Variants in LRRC4C observed in about 807,000 individuals in gnomAD.
The protein encoded by LRRC4C is leucine rich repeat containing 4C, also known as leucine-rich repeat-containing protein 4C.
In LRRC4C, 5 loss-of-function variants were observed where a neutral mutation model predicts 33.6. The ratio of observed to expected loss-of-function variants is 0.15; its 90% confidence interval spans 0.08 to 0.31. LRRC4C has a LOEUF of 0.31. LRRC4C is among the 10% of genes least tolerant of loss of function. LRRC4C has a pLI of 1.00. For synonymous variants in LRRC4C, 329 were observed against 302.0 expected (o/e 1.09, Z -0.93); for missense variants, 560 against 796.7 (o/e 0.70, Z 3.58).
At chr11:41,395,122 G>A (rs564468705) in intron 1 of LRRC4C, among the ~76,000 whole-genome samples, 4,343 of 151,988 alleles carry the variant, frequency 0.029, 236 homozygotes, top group African/African-American at 0.099. Context: ...GATGAAGCAG[G>A]GTACAGACAC....
At chr11:40,349,298 A>G (rs1169220299) in intron 3 of LRRC4C, among the ~76,000 whole-genome samples, 1 of 152,116 alleles carries the variant, frequency 6.6e-6, no homozygotes, top group Non-Finnish European at 1.5e-5. Flanking sequence ...AGCAGCCACA[A>G]ATGGGTGAGA....
chr11:41,314,812 T>C (rs1369163836), intron 1 of LRRC4C, among the ~76,000 whole-genome samples: 1 of 151,838 alleles, frequency 6.6e-6, no homozygotes. Flanking sequence ...AAAAAAAAAC[T>C]ATAAGTAAAG....
rs566730087 is a variant in LRRC4C at position 40,397,233 on chromosome 11, T to A, written c.-269-77512A>T. On this transcript the variant is annotated intron_variant, in intron 3 of 6. Coordinates refer to ENST00000528697, the MANE Select transcript of LRRC4C (RefSeq NM_001258419.2). ...TTAAAATATTTCGTCTTCTAATCTG[T>A]GTGACAAAGAGTGTTCCTAATGTTT... 7.2e-5 allele frequency among the ~76,000 whole-genome samples: 11 copies of A among 152,214 alleles called. No homozygotes were observed. In the South Asian group the frequency reaches 2.3e-3, roughly 32 times the overall value.
At chr11:41,263,332 G>A (rs903106866) in intron 1 of LRRC4C, among the ~76,000 whole-genome samples, 4 of 152,062 alleles carry the variant, frequency 2.6e-5, no homozygotes, top group Non-Finnish European at 5.9e-5. Flanking sequence ...GAACAAGTGA[G>A]TATTCTACTA....
intron 5 of LRRC4C, among the ~76,000 whole-genome samples, chr11:40,158,853 A>G (rs776270226): frequency 6.6e-6 from 1 of 152,188 alleles, no homozygotes; most frequent in Non-Finnish European, 1.5e-5. Flanking sequence ...AACTCATATC[A>G]AATCAATTGT....
intron 3 of LRRC4C, among the ~76,000 whole-genome samples, chr11:40,476,127 G>T (rs1369868380): frequency 6.6e-6 from 1 of 152,074 alleles, no homozygotes; most frequent in Non-Finnish European, 1.5e-5. Context: ...TATCATCCTA[G>T]GCCTGTCTGA....
chr11:40,524,514 ATGTT>A (rs1331035504), intron 3 of LRRC4C, among the ~76,000 whole-genome samples: 2 of 152,192 alleles, frequency 1.3e-5, no homozygotes, highest in Non-Finnish European at 2.9e-5. Context: ...TATATAAAAA[ATGTT>A]TGGAAAATTA....
At chr11:40,254,038 T>G (rs1867003575) in intron 4 of LRRC4C, among the ~76,000 whole-genome samples, 2 of 152,160 alleles carry the variant, frequency 1.3e-5, no homozygotes, top group Non-Finnish European at 2.9e-5. Flanking sequence ...TTAAAGTAGA[T>G]AGTGAAAACA....
At chr11:41,335,574 T>C (rs914163790) in intron 1 of LRRC4C, among the ~76,000 whole-genome samples, 1 of 152,204 alleles carries the variant, frequency 6.6e-6, no homozygotes, top group Admixed American at 6.5e-5. Flanking sequence ...GGGCAGAAAT[T>C]CTATATTTAC....
chr11:40,793,741 C>A (rs961023685), intron 2 of LRRC4C, among the ~76,000 whole-genome samples: 30 of 151,930 alleles, frequency 2.0e-4, no homozygotes, highest in African/African-American at 7.3e-4. Context: ...AGGTATATAC[C>A]AAGATATTAT....
intron 1 of LRRC4C, among the ~76,000 whole-genome samples, chr11:41,425,023 A>C (rs576677911): frequency 6.6e-6 from 1 of 152,094 alleles, no homozygotes; most frequent in African/African-American, 2.4e-5. Context: ...AAGATTTTTT[A>C]AAGATTGAAG....
chr11:40,952,374 C>A (rs1958734399), intron 1 of LRRC4C, among the ~76,000 whole-genome samples: 1 of 151,828 alleles, frequency 6.6e-6, no homozygotes, highest in East Asian at 1.9e-4. Flanking sequence ...TCTCTTCTTT[C>A]CCCCTACTAA....
intron 1 of LRRC4C, among the ~76,000 whole-genome samples, chr11:41,357,096 G>T (rs999752999): frequency 6.6e-6 from 1 of 151,966 alleles, no homozygotes; most frequent in African/African-American, 2.4e-5. Context: ...CACACTTTGG[G>T]ACTGGAACTG....
At chr11:41,001,866 T>G (rs1300797721) in intron 1 of LRRC4C, among the ~76,000 whole-genome samples, 5 of 39,832 alleles carry the variant, frequency 1.3e-4, no homozygotes, top group Non-Finnish European at 3.1e-4. Context: ...CTGTGACATT[T>G]TTTTTTTTTT....
At chr11:41,176,375 C>T (rs190779937) in intron 1 of LRRC4C, among the ~76,000 whole-genome samples, 1 of 152,064 alleles carries the variant, frequency 6.6e-6, no homozygotes, top group African/African-American at 2.4e-5. Context: ...AGTGATTAAA[C>T]AGATTCCTTT....
intron 1 of LRRC4C, among the ~76,000 whole-genome samples, chr11:41,182,848 T>TA (rs57291815): frequency 0.18 from 26,499 of 143,968 alleles, 2,842 homozygotes; most frequent in East Asian, 0.39. Flanking sequence ...CTGGGCAATT[T>TA]AAAAAAAAAA....
chr11:40,365,075 G>A (rs1482151485), intron 3 of LRRC4C, among the ~76,000 whole-genome samples: 1 of 145,308 alleles, frequency 6.9e-6, no homozygotes, highest in Non-Finnish European at 1.5e-5. Flanking sequence ...CAGACAGAAG[G>A]AAAATTTTAC....
At chr11:41,146,071 A>T (rs983335583) in intron 1 of LRRC4C, among the ~76,000 whole-genome samples, 2 of 152,234 alleles carry the variant, frequency 1.3e-5, no homozygotes, top group Non-Finnish European at 2.9e-5. Flanking sequence ...ATTAAGAGAT[A>T]TGAGTCTGTT....
chr11:40,936,049 T>TAC (rs1957877394), intron 1 of LRRC4C, among the ~76,000 whole-genome samples: 1 of 109,290 alleles, frequency 9.1e-6, no homozygotes, highest in African/African-American at 3.2e-5. Context: ...TATATATATA[T>TAC]ATATATATAT....
Sources: gnomAD v4.1 joint callset for allele counts (sites outside exome capture counted in the v4.1 genomes callset) on GRCh38, gnomAD v4.1.1 for gene constraint, MANE v1.5 for transcripts, NCBI Gene and HGNC (gene_info 2026-07-23, HGNC 2026-07-21) for gene names.